SNTG1: variants seen among roughly 807,000 people sequenced by gnomAD.
SNTG1 encodes the protein syntrophin gamma 1.
Under a neutral mutation model 74.7 loss-of-function variants are expected in SNTG1, and 39 were observed. The observed-to-expected ratio is 0.52, with a 90% CI of 0.40 to 0.68. The LOEUF (loss-of-function observed/expected upper bound fraction) is 0.68, where lower values mean the gene tolerates loss of function less well. Ranked by LOEUF, SNTG1 falls within the 30% of genes least tolerant of loss-of-function variation. SNTG1 has a pLI of 0.00. For synonymous variants in SNTG1, 254 were observed against 217.1 expected, an observed-to-expected ratio of 1.17 and a Z score of -1.49; for missense variants, 685 against 609.5, an observed-to-expected ratio of 1.12 and a Z score of -1.30.
rs193091418 is a variant in SNTG1, at chr8:50,484,406, G to A, written c.364-18372G>A. Among the ~76,000 whole-genome samples, 531 of 151,246 alleles carry A rather than the reference G, an allele frequency of 3.5e-3. 3 individuals carry two copies. The highest frequency in any genetic ancestry group is 0.012 in the African/African-American group (514 of 41,268). ...AATTTTTTGTATTTAGTAGAGATGG[G>A]GTTTCACCATGTTGGTCAGGCTGGT... On this transcript the variant is annotated intron_variant, in intron 8 of 18. Transcript: ENST00000642720.
At chr8:50,390,408 G>T (rs28799874) in intron 2 of SNTG1, among the ~76,000 whole-genome samples, 2,757 of 152,262 alleles carry the variant, frequency 0.018, 78 homozygotes, top group African/African-American at 0.064. Context: ...TGAGGGCTCT[G>T]TTCTGATCCA....
intron 1 of SNTG1, among the ~76,000 whole-genome samples, chr8:50,116,779 T>C (rs2080839421): frequency 6.6e-6 from 1 of 152,166 alleles, no homozygotes; most frequent in African/African-American, 2.4e-5. Flanking sequence ...CTGCTCCTAT[T>C]TGCCTGTTGA....
chr8:50,346,937 A>G (rs927277036), intron 2 of SNTG1, among the ~76,000 whole-genome samples: 3 of 152,374 alleles, frequency 2.0e-5, no homozygotes, highest in East Asian at 3.9e-4. Context: ...GGTTTAAGGA[A>G]AGAAGTCATC....
chr8:50,142,638 A>T (rs764497971), intron 1 of SNTG1, among the ~76,000 whole-genome samples: 13 of 152,160 alleles, frequency 8.5e-5, no homozygotes, highest in Non-Finnish European at 1.8e-4. Context: ...AAAGAAGCTG[A>T]TGGTAAATGA....
At chr8:50,590,970 T>G (rs2094688059) in intron 13 of SNTG1, 53 bp downstream of exon 13, 1 of 1,281,914 alleles carries the variant, frequency 7.8e-7, no homozygotes. Context: ...TTAATTTTAT[T>G]GATTATAGAA....
At chr8:50,054,830 C>A (rs1819885977) in intron 1 of SNTG1, among the ~76,000 whole-genome samples, 1 of 152,012 alleles carries the variant, frequency 6.6e-6, no homozygotes, top group Non-Finnish European at 1.5e-5. Context: ...CACCACCATG[C>A]CCAGCTAATT....
intron 18 of SNTG1, among the ~76,000 whole-genome samples, chr8:50,757,045 TA>T (rs2095582346): frequency 6.6e-6 from 1 of 151,742 alleles, no homozygotes; most frequent in Admixed American, 6.6e-5. Flanking sequence ...TTTATAATTT[TA>T]GTAGAAAATC....
chr8:50,195,662 A>C (rs184859991), intron 2 of SNTG1, among the ~76,000 whole-genome samples: 1 of 152,140 alleles, frequency 6.6e-6, no homozygotes, highest in African/African-American at 2.4e-5. Flanking sequence ...CTCTAAATTG[A>C]CTCAGCTCCA....
intron 9 of SNTG1, among the ~76,000 whole-genome samples, chr8:50,509,478 T>C (rs1190958014): frequency 6.6e-6 from 1 of 152,082 alleles, no homozygotes; most frequent in Non-Finnish European, 1.5e-5. Flanking sequence ...TTGATGGGGA[T>C]GGCATTGAAT....
At chr8:50,630,372 G>A (rs2094988436) in intron 13 of SNTG1, among the ~76,000 whole-genome samples, 1 of 152,138 alleles carries the variant, frequency 6.6e-6, no homozygotes, top group African/African-American at 2.4e-5. Context: ...CCTAATAAAT[G>A]CCATGTGTGA....
At chr8:50,509,697 T>G (rs905502539) in intron 9 of SNTG1, among the ~76,000 whole-genome samples, 1 of 152,152 alleles carries the variant, frequency 6.6e-6, no homozygotes, top group African/African-American at 2.4e-5. Flanking sequence ...GGGAGTTCAC[T>G]TATGATTTGG....
intron 1 of SNTG1, among the ~76,000 whole-genome samples, chr8:50,172,236 T>C (rs1301791447): frequency 6.6e-6 from 1 of 152,234 alleles, no homozygotes; most frequent in Non-Finnish European, 1.5e-5. Context: ...ATTCTAAATT[T>C]AGATCCAAGT....
intron 2 of SNTG1, among the ~76,000 whole-genome samples, chr8:50,304,651 C>T (rs2089798268): frequency 6.6e-6 from 1 of 151,984 alleles, no homozygotes; most frequent in African/African-American, 2.4e-5. Context: ...TTAAAAAAAA[C>T]TAAAAAGTTT....
chr8:50,254,651 G>C (rs562906902), intron 2 of SNTG1, among the ~76,000 whole-genome samples: 1 of 152,202 alleles, frequency 6.6e-6, no homozygotes, highest in Admixed American at 6.5e-5. Flanking sequence ...CTTGAGGCCA[G>C]GCTGGCCAAC....
chr8:50,458,530 A>G (rs1427293649), intron 8 of SNTG1, among the ~76,000 whole-genome samples: 2 of 152,170 alleles, frequency 1.3e-5, no homozygotes, highest in African/African-American at 4.8e-5. Flanking sequence ...AAAATATTAC[A>G]TGAAATAAAA....
intron 2 of SNTG1, among the ~76,000 whole-genome samples, chr8:50,367,131 A>G (rs746589102): frequency 6.6e-6 from 1 of 151,786 alleles, no homozygotes; most frequent in Non-Finnish European, 1.5e-5. Flanking sequence ...TTCTAAGAGA[A>G]TATTTGGAAA....
intron 1 of SNTG1, among the ~76,000 whole-genome samples, chr8:49,954,858 T>C (rs1446656578): frequency 1.3e-5 from 2 of 152,196 alleles, no homozygotes; most frequent in Non-Finnish European, 2.9e-5. Flanking sequence ...AGAAATATTG[T>C]AGAAAACTAC....
In SNTG1 at chr8:50,639,347, C is replaced by A. The variant is rs1350543389; in HGVS notation, c.850-17562C>A. 2.6e-5 allele frequency among the ~76,000 whole-genome samples: 4 copies of A among 151,796 alleles called. No individual in the cohort carries two copies. The East Asian group carries it at 7.7e-4, about 29-fold the overall frequency. On this transcript the variant is annotated intron_variant, in intron 13 of 18. Transcript: ENST00000642720. Reference sequence around the variant, plus strand: ...TCACTATGTTTTTAATAATTTGCATCCCTTCATATGCTTCTTATTCTTTAA... The same window carrying A: ...TCACTATGTTTTTAATAATTTGCATACCTTCATATGCTTCTTATTCTTTAA...
At chr8:50,394,343 G>C in intron 3 of SNTG1, 78 bp downstream of exon 3, 1 of 1,450,890 alleles carries the variant, frequency 6.9e-7, no homozygotes, top group South Asian at 1.2e-5. Context: ...ATTTATATAG[G>C]GAAATTCTGC....
Sources: gnomAD v4.1 joint callset for allele counts (sites outside exome capture counted in the v4.1 genomes callset) on GRCh38, gnomAD v4.1.1 for gene constraint, MANE v1.5 for transcripts, NCBI Gene and HGNC (gene_info 2026-07-23, HGNC 2026-07-21) for gene names.